The following ZC3H3 variants were observed in gnomAD, a reference collection of about 807,000 sequenced individuals.
ZC3H3 encodes the protein zinc finger CCCH-type containing 3.
ZC3H3 carries 36 observed loss-of-function variants against 77.3 expected under a neutral mutation model. The observed-to-expected ratio is 0.47, with a 90% CI of 0.36 to 0.61. The LOEUF is 0.61. ZC3H3 is among the 20% of genes least tolerant of loss of function. The pLI is 0.00. For synonymous variants in ZC3H3, 626 were observed against 555.2 expected, an observed-to-expected ratio of 1.13 and a Z score of -1.79; for missense variants, 1,331 against 1,312.2, an observed-to-expected ratio of 1.01 and a Z score of -0.22.
In ZC3H3 at chr8:143,511,944, C is replaced by T. The variant is rs190472010; in HGVS notation, c.1562-4045G>A. Among the ~76,000 whole-genome samples, 70 of 152,362 alleles carry T rather than the reference C, an allele frequency of 4.6e-4. 1 individual carries two copies. In the East Asian group the frequency reaches 8.5e-3, roughly 18 times the overall value. On this transcript the variant is annotated intron_variant, in intron 3 of 11. Coordinates refer to ENST00000262577, the MANE Select transcript of ZC3H3 (RefSeq NM_015117.3). ...GCTGAGCAGGAGGCCAAGACTGGCA[C>T]GGAATTTGCTGGAATCAGCCACAGC...
At chr8:143,491,981 C>T (rs940553941) in intron 4 of ZC3H3, among the ~76,000 whole-genome samples, 14 of 152,318 alleles carry the variant, frequency 9.2e-5, no homozygotes, top group African/African-American at 2.9e-4. Flanking sequence ...ACCTGGTGCA[C>T]CAGGCGCAGC....
At chr8:143,441,146 G>T in intron 9 of ZC3H3, 26 bp from the exon 10 acceptor site, 4 of 1,386,504 alleles carry the variant, frequency 2.9e-6, no homozygotes, top group Non-Finnish European at 3.7e-6. Flanking sequence ...GTGCAGGTGG[G>T]TGGGCCGGCT....
intron 9 of ZC3H3, among the ~76,000 whole-genome samples, chr8:143,455,717 G>A (rs530881): frequency 0.63 from 95,390 of 151,956 alleles, 30,257 homozygotes; most frequent in African/African-American, 0.67. Flanking sequence ...TCATGCCTGT[G>A]ATCCCAGCAC....
rs766901032 is a variant in ZC3H3, at chr8:143,441,136, G to A, written c.2308-16C>T. On this transcript the variant is annotated splice_polypyrimidine_tract_variant and intron_variant, in intron 9 of 11. Transcript: ENST00000262577. ...TCTTCTTGCACTGCAGAGAGAAGGGGTGCAGGTGGGTGGGCCGGCTGGAGG... is the reference window on the plus strand; with the variant it reads ...TCTTCTTGCACTGCAGAGAGAAGGGATGCAGGTGGGTGGGCCGGCTGGAGG... The A allele has an allele frequency of 3.4e-5, 47 of 1,393,234 alleles. No individual in the cohort carries two copies. The highest frequency in any genetic ancestry group is 3.8e-5 in the Non-Finnish European group (41 of 1,080,604). The allele number at this position is 1,393,234 out of a possible 1,614,324, so 86.3% of individuals were successfully genotyped here. A position where few individuals can be genotyped will look rare whatever the true frequency, so the allele number is the denominator to read the frequency against.
At chr8:143,501,359 A>C (rs1212159753) in intron 4 of ZC3H3, among the ~76,000 whole-genome samples, 1 of 151,902 alleles carries the variant, frequency 6.6e-6, no homozygotes, top group Non-Finnish European at 1.5e-5. Flanking sequence ...ACAAGCCATC[A>C]CACCCAGCTA....
At chr8:143,524,433 G>A (rs370399581) in intron 3 of ZC3H3, among the ~76,000 whole-genome samples, 1 of 152,358 alleles carries the variant, frequency 6.6e-6, no homozygotes, top group African/African-American at 2.4e-5. Flanking sequence ...ATGCCTGACT[G>A]TGCTGGTCAG....
intron 9 of ZC3H3, among the ~76,000 whole-genome samples, chr8:143,442,176 A>G (rs934252122): frequency 6.6e-6 from 1 of 151,834 alleles, no homozygotes; most frequent in African/African-American, 2.4e-5. Flanking sequence ...ACTGTACCCC[A>G]TACCTTCCCT....
Position 143,511,848 on chromosome 8 carries a change from A to G in ZC3H3, c.1562-3949T>C, listed in dbSNP as rs117707785. Among the ~76,000 whole-genome samples, 5 of 152,352 alleles carry G rather than the reference A, an allele frequency of 3.3e-5. No homozygotes were observed. In the East Asian group the frequency reaches 9.6e-4, roughly 29 times the overall value. ...GTCACTGCTGGGCTGCCAGCCCGAGAAAATACCCTGGTTCTAGAAGCCCCT... is the reference window on the plus strand; with the variant it reads ...GTCACTGCTGGGCTGCCAGCCCGAGGAAATACCCTGGTTCTAGAAGCCCCT... On this transcript the variant is annotated intron_variant, in intron 3 of 11. Coordinates refer to ENST00000262577, the MANE Select transcript of ZC3H3 (RefSeq NM_015117.3).
intron 5 of ZC3H3, 60 bp downstream of exon 5, chr8:143,475,338 T>A: frequency 6.4e-7 from 1 of 1,552,328 alleles, no homozygotes; most frequent in Non-Finnish European, 8.7e-7. Context: ...TGGCCTGCAA[T>A]GCCCACCACA....
intron 5 of ZC3H3, among the ~76,000 whole-genome samples, chr8:143,472,159 A>G (rs1222456129): frequency 6.6e-6 from 1 of 152,222 alleles, no homozygotes; most frequent in Non-Finnish European, 1.5e-5. Flanking sequence ...TGTGCGCCAG[A>G]CCCTCCTTGC....
chr8:143,523,889 G>C (rs939482484), intron 3 of ZC3H3, among the ~76,000 whole-genome samples: 1 of 152,254 alleles, frequency 6.6e-6, no homozygotes, highest in Non-Finnish European at 1.5e-5. Context: ...GGCATGGGCT[G>C]GGGGCGGGTG....
chr8:143,507,695 C>T (rs887560049), intron 4 of ZC3H3, 51 bp downstream of exon 4: 14 of 1,481,164 alleles, frequency 9.5e-6, no homozygotes, highest in Non-Finnish European at 1.3e-5. Context: ...CAGGGCAGGG[C>T]CAGACAGCCC....
intron 4 of ZC3H3, among the ~76,000 whole-genome samples, chr8:143,495,417 CAG>C (rs1415606837): frequency 4.6e-5 from 7 of 152,160 alleles, no homozygotes. Flanking sequence ...GTGACAGACT[CAG>C]AGCCACAGGA....
At chr8:143,474,578 C>T (rs982600210) in intron 5 of ZC3H3, among the ~76,000 whole-genome samples, 2 of 152,218 alleles carry the variant, frequency 1.3e-5, no homozygotes, top group African/African-American at 4.8e-5. Context: ...ACGCTTCCTG[C>T]CTCTCCTCTG....
At chr8:143,465,619 G>A in intron 9 of ZC3H3, 98 bp downstream of exon 9, 2 of 1,546,678 alleles carry the variant, frequency 1.3e-6, no homozygotes, top group South Asian at 1.2e-5. Flanking sequence ...CAGGGCTGCA[G>A]ATGGGTCATC....
chr8:143,484,716 G>A, intron 4 of ZC3H3: 1 of 318,698 alleles, frequency 3.1e-6, no homozygotes, highest in East Asian at 9.6e-5. Context: ...ATCGGCCCAG[G>A]ACCCACTCTG....
chr8:143,475,741 T>C (rs901559238), intron 4 of ZC3H3, among the ~76,000 whole-genome samples, 156 bp from the exon 5 acceptor site: 3 of 152,262 alleles, frequency 2.0e-5, no homozygotes, highest in East Asian at 1.9e-4. Context: ...CCACGGGCCA[T>C]TGGCCCAGCT....
intron 4 of ZC3H3, among the ~76,000 whole-genome samples, chr8:143,497,117 G>C (rs1214321913): frequency 6.6e-6 from 1 of 152,184 alleles, no homozygotes; most frequent in East Asian, 1.9e-4. Flanking sequence ...GGAAGTCCTG[G>C]GTGGTATTTT....
intron 5 of ZC3H3, among the ~76,000 whole-genome samples, chr8:143,471,514 G>A (rs1334069462): frequency 6.6e-6 from 1 of 152,166 alleles, no homozygotes. Flanking sequence ...CCTGTGGCCA[G>A]AGACTGGGGC....
Sources: gnomAD v4.1 joint callset for allele counts (sites outside exome capture counted in the v4.1 genomes callset) on GRCh38, gnomAD v4.1.1 for gene constraint, MANE v1.5 for transcripts, NCBI Gene and HGNC (gene_info 2026-07-23, HGNC 2026-07-21) for gene names.